ITSN2: variants seen among roughly 807,000 people sequenced by gnomAD.
ITSN2 encodes intersectin 2.
In ITSN2, 156 loss-of-function variants were observed where a neutral mutation model predicts 243.7. That is an observed-to-expected ratio of 0.64 (90% CI 0.56 to 0.73). The LOEUF (loss-of-function observed/expected upper bound fraction) is 0.73, where lower values mean the gene tolerates loss of function less well. Among genes scored for constraint, ITSN2 ranks in the 30% least tolerant of loss-of-function variants. ITSN2 has a pLI of 0.00. For missense variants in ITSN2, 1,801 were observed against 1,996.1 expected, an observed-to-expected ratio of 0.90 and a Z score of 1.86; for synonymous variants, 703 against 699.9, an observed-to-expected ratio of 1.00 and a Z score of -0.07.
chr2:24,247,000 A>C, intron 27 of ITSN2, 107 bp from the exon 28 acceptor site: 1 of 765,630 alleles, frequency 1.3e-6, no homozygotes. Context: ...AAATAATTTA[A>C]TTTTGCCTAA....
chr2:24,289,269 TTATG>T (rs1171534616), intron 15 of ITSN2, among the ~76,000 whole-genome samples: 2 of 152,182 alleles, frequency 1.3e-5, no homozygotes, highest in Non-Finnish European at 2.9e-5. Context: ...TTCCATTTAT[TTATG>T]TCTTTTTCAA....
At chr2:24,247,687 G>C (rs1473090973) in intron 27 of ITSN2, among the ~76,000 whole-genome samples, 2 of 152,192 alleles carry the variant, frequency 1.3e-5, no homozygotes, top group Non-Finnish European at 2.9e-5. Context: ...TTCAGGCTCA[G>C]AGTTCTCGGA....
intron 30 of ITSN2, chr2:24,220,534 G>T: frequency 9.8e-7 from 1 of 1,015,946 alleles, no homozygotes; most frequent in South Asian, 4.5e-5. Flanking sequence ...AGTTCCTCCA[G>T]AGATACCAGT....
chr2:24,263,734 G>T (rs1676222609), intron 20 of ITSN2, among the ~76,000 whole-genome samples: 1 of 152,090 alleles, frequency 6.6e-6, no homozygotes, highest in Non-Finnish European at 1.5e-5. Flanking sequence ...AGTAAGAACA[G>T]TTTGTTCTTT....
At chr2:24,318,994 C>T (rs1051608302) in intron 2 of ITSN2, among the ~76,000 whole-genome samples, 2 of 152,206 alleles carry the variant, frequency 1.3e-5, no homozygotes, top group African/African-American at 4.8e-5. Context: ...GGGTTGCATG[C>T]TCCTTATGAG....
At chr2:24,334,836 G>A in intron 1 of ITSN2, 2 of 795,554 alleles carry the variant, frequency 2.5e-6, no homozygotes, top group Non-Finnish European at 4.0e-6. Flanking sequence ...GGCCGAGGCG[G>A]GCGGATCACG....
intron 29 of ITSN2, among the ~76,000 whole-genome samples, chr2:24,222,488 G>T (rs1457780995): frequency 2.0e-5 from 3 of 151,954 alleles, no homozygotes; most frequent in Non-Finnish European, 4.4e-5. Context: ...CCCAGCAACT[G>T]CCTGTCCAAC....
intron 1 of ITSN2, among the ~76,000 whole-genome samples, chr2:24,341,142 A>G (rs1484386622): frequency 6.6e-6 from 1 of 152,234 alleles, no homozygotes; most frequent in Non-Finnish European, 1.5e-5. Flanking sequence ...GAGCAGTAAT[A>G]TTAACCAAGA....
chr2:24,205,396 T>C, intron 37 of ITSN2, 99 bp from the exon 38 acceptor site: 2 of 989,970 alleles, frequency 2.0e-6, no homozygotes, highest in Non-Finnish European at 3.1e-6. Context: ...TGTCCCCATC[T>C]GCCACTGCCC....
intron 7 of ITSN2, among the ~76,000 whole-genome samples, 190 bp downstream of exon 7, chr2:24,310,094 A>G (rs2151732893): frequency 6.6e-6 from 1 of 152,320 alleles, no homozygotes; most frequent in Middle Eastern, 3.4e-3. Context: ...AAAATGCCAC[A>G]GACACTTAAT....
intron 27 of ITSN2, among the ~76,000 whole-genome samples, chr2:24,248,130 A>T (rs1372091581): frequency 6.6e-6 from 1 of 152,144 alleles, no homozygotes; most frequent in Non-Finnish European, 1.5e-5. Flanking sequence ...GTATCAAAAC[A>T]TATGCAATAA....
Position 24,258,008 on chromosome 2 carries a change from T to C in ITSN2, c.2768A>G (p.Asp923Gly). The stretch of plus-strand genomic sequence containing the variant: ...TTGCTGCTCCAAGACAGTAATAATG[T>C]CATGTTTTGAGAAGTTCAAGTGGTT... ...KDNHLNFSKH[D>G]IITVLEQQEN... Residue 923 changes from aspartate to glycine, a missense_variant, in exon 23 of 40, where the codon GAC (aspartate) becomes GGC (glycine). Physicochemically the swap from Asp to Gly is moderately conservative, Grantham distance 94. Around this residue, in one of 5 missense-constraint regions of ITSN2, gnomAD observed 928 missense variants for 1,065.4 expected, o/e 0.87. Coordinates refer to ENST00000355123, the MANE Select transcript of ITSN2 (RefSeq NM_006277.3). The C allele has an allele frequency of 6.2e-7, 1 of 1,614,086 alleles. No individual in the cohort carries two copies. Among genetic ancestry groups the C allele is most frequent in the East Asian group, 2.2e-5 (1 of 44,874 alleles).
At chr2:24,274,738 TAAG>T (rs1677808946) in intron 18 of ITSN2, among the ~76,000 whole-genome samples, 1 of 152,118 alleles carries the variant, frequency 6.6e-6, no homozygotes, top group South Asian at 2.1e-4. Flanking sequence ...TTGAAACCAT[TAAG>T]AATAGAGGCC....
At chr2:24,344,895 T>C (rs1247416552) in intron 1 of ITSN2, among the ~76,000 whole-genome samples, 1 of 152,180 alleles carries the variant, frequency 6.6e-6, no homozygotes, top group Admixed American at 6.5e-5. Context: ...GAGGTTGCAG[T>C]GAGCCCAGAT....
At chr2:24,261,504 T>A (rs907161756) in intron 21 of ITSN2, 57 bp downstream of exon 21, 15 of 1,303,930 alleles carry the variant, frequency 1.2e-5, no homozygotes, top group Admixed American at 3.7e-5. Flanking sequence ...CCATTATATA[T>A]TAGGTATTTA....
At chr2:24,273,854 C>T (rs936909170) in intron 18 of ITSN2, 3 of 152,198 alleles carry the variant, frequency 2.0e-5, no homozygotes, top group Admixed American at 6.5e-5. Context: ...ATGTGAAAAC[C>T]TATTACCAAT....
At chr2:24,267,541 T>C (rs1305971752) in intron 20 of ITSN2, among the ~76,000 whole-genome samples, 1 of 152,102 alleles carries the variant, frequency 6.6e-6, no homozygotes, top group Non-Finnish European at 1.5e-5. Flanking sequence ...CTCCCTTCAC[T>C]GACGGACTTG....
chr2:24,316,027 G>A (rs1683883100), intron 2 of ITSN2, among the ~76,000 whole-genome samples: 1 of 152,186 alleles, frequency 6.6e-6, no homozygotes, highest in Non-Finnish European at 1.5e-5. Flanking sequence ...GCAGAGCCTT[G>A]AAGCTTGGTT....
In ITSN2 at chr2:24,320,504, C is replaced by T. The variant is rs1193453819; in HGVS notation, c.32-5280G>A. 5.9e-5 allele frequency among the ~76,000 whole-genome samples: 7 copies of T among 119,216 alleles called. No individual in the cohort carries two copies. In the East Asian group the frequency reaches 9.6e-4, roughly 16 times the overall value. The allele number at this position is 119,216 out of a possible 152,430, so 78.2% of individuals were successfully genotyped here. On this transcript the variant is annotated intron_variant, in intron 2 of 39. Transcript: ENST00000355123. ...ACTGCAGTCCGCAGTCCGGCCTGGG[C>T]GACAGAGCGAGACTCCGTCTCAAAA...
Sources: allele counts gnomAD v4.1 joint callset (sites outside exome capture counted in the v4.1 genomes callset), GRCh38; gene constraint gnomAD v4.1.1; regional missense constraint gnomAD v4.1.1; transcripts MANE v1.5; gene names NCBI Gene and HGNC (gene_info 2026-07-23, HGNC 2026-07-21).